Variants in PDZRN3 observed in about 807,000 individuals in gnomAD.
PDZRN3 encodes the protein E3 ubiquitin-protein ligase PDZRN3.
PDZRN3 carries 38 observed loss-of-function variants against 85.7 expected under a neutral mutation model. The ratio of observed to expected loss-of-function variants is 0.44; its 90% CI spans 0.34 to 0.58. The LOEUF (loss-of-function observed/expected upper bound fraction) is 0.58. Among genes scored for constraint, PDZRN3 ranks in the 20% least tolerant of loss-of-function variants. The pLI is 0.01. For missense variants in PDZRN3, 1,629 were observed against 1,506.4 expected (o/e 1.08, Z -1.35); for synonymous variants, 759 against 638.0 (o/e 1.19, Z -2.86).
intron 3 of PDZRN3, among the ~76,000 whole-genome samples, chr3:73,545,630 GA>G: frequency 6.6e-6 from 1 of 152,064 alleles, no homozygotes; most frequent in African/African-American, 2.4e-5. Context: ...TGACCTACAA[GA>G]AAAAAGAAGT....
intron 3 of PDZRN3, among the ~76,000 whole-genome samples, chr3:73,418,217 A>C (rs1170436313): frequency 1.3e-5 from 2 of 152,232 alleles, no homozygotes; most frequent in East Asian, 3.8e-4. Flanking sequence ...AAAAATAAGA[A>C]TGGTGGGTTA....
At chr3:73,594,098 G>A (rs535699408) in intron 3 of PDZRN3, 1 of 152,106 alleles carries the variant, frequency 6.6e-6, no homozygotes, top group South Asian at 2.1e-4. Context: ...AGTTTTGATA[G>A]GAAAATAAGG....
At chr3:73,446,298 C>T (rs752115744) in intron 3 of PDZRN3, among the ~76,000 whole-genome samples, 34 of 152,124 alleles carry the variant, frequency 2.2e-4, no homozygotes, top group Non-Finnish European at 4.4e-4. Context: ...GGGCAGTGAG[C>T]GTTTCTTCAA....
chr3:73,492,197 T>C (rs1322583322), intron 3 of PDZRN3, among the ~76,000 whole-genome samples: 1 of 152,190 alleles, frequency 6.6e-6, no homozygotes, highest in East Asian at 1.9e-4. Context: ...CTAAATTGGT[T>C]TCCAAAATAA....
chr3:73,517,456 T>C (rs1282020469), intron 3 of PDZRN3, among the ~76,000 whole-genome samples: 2 of 152,150 alleles, frequency 1.3e-5, no homozygotes, highest in East Asian at 1.9e-4. Flanking sequence ...AATTTACTTA[T>C]AGAAGAACAG....
intron 3 of PDZRN3, among the ~76,000 whole-genome samples, chr3:73,480,890 C>A (rs920615304): frequency 1.3e-5 from 2 of 152,214 alleles, no homozygotes; most frequent in African/African-American, 4.8e-5. Context: ...TCTCTCCCAA[C>A]AAAATAAGAG....
Position 73,624,429 on chromosome 3 carries a change from C to A in PDZRN3, c.397G>T (p.Ala133Ser). Residue 133 changes from alanine to serine, a missense_variant, in exon 1 of 10, where the codon GCC becomes TCC. Physicochemically the swap from Ala to Ser is moderately conservative, Grantham distance 99 (BLOSUM62 1). Transcript: ENST00000263666. ...CGGCCCACTGGCCGCGCGTCGCAGG[C>A]GTCGCGCATGTGCGCCTCCACGTCG... Reference protein sequence around the residue: ...RRDVEAHMRDACDARPVGRCQ... With the variant: ...RRDVEAHMRDSCDARPVGRCQ... The A allele has an allele frequency of 7.6e-7, 1 of 1,320,488 alleles. No individual in the cohort carries two copies. Among genetic ancestry groups the A allele is most frequent in the Non-Finnish European group, 9.6e-7 (1 of 1,041,250 alleles). The allele number at this position is 1,320,488 out of a possible 1,614,324, so 81.8% of individuals were successfully genotyped here.
At position 73,470,625 on chromosome 3, in the gene PDZRN3, G is replaced by A. The variant is rs549300883; in HGVS notation, c.919-66230C>T. 1.3e-4 allele frequency among the ~76,000 whole-genome samples: 20 copies of A among 152,240 alleles called. No homozygotes were observed. The South Asian group carries it at 3.9e-3, about 30-fold the overall frequency. On this transcript the variant is annotated intron_variant, in intron 3 of 9. Coordinates refer to ENST00000263666, the MANE Select transcript of PDZRN3 (RefSeq NM_015009.3). ...GTGGATGCTGTTCTTGAATAAGAGG[G>A]AAATACTCCTATGCTCCTTGACAAG...
Position 73,408,127 on chromosome 3 carries a change from G to C in PDZRN3, c.919-3732C>G, listed in dbSNP as rs1484000816. 5.7e-6 allele frequency: 4 copies of C among 703,146 alleles called. No individual in the cohort carries two copies. In the African/African-American group the frequency reaches 7.0e-5, roughly 12 times the overall value. The allele number at this position is 703,146 out of a possible 1,614,324, so 43.6% of individuals were successfully genotyped here. On this transcript the variant is annotated intron_variant, in intron 3 of 9. Transcript: ENST00000263666. ...ACAGTTCAAATAAGCCCCTCCACAAGCCAGATGACCTCCTCCTTTTTCACA... is the reference window on the plus strand; with the variant it reads ...ACAGTTCAAATAAGCCCCTCCACAACCCAGATGACCTCCTCCTTTTTCACA...
chr3:73,574,789 A>G (rs139666861), intron 3 of PDZRN3, among the ~76,000 whole-genome samples: 1 of 152,316 alleles, frequency 6.6e-6, no homozygotes, highest in East Asian at 1.9e-4. Flanking sequence ...ACTAAATCTA[A>G]AAGATAAGAA....
chr3:73,521,389 C>A (rs1454057804), intron 3 of PDZRN3, among the ~76,000 whole-genome samples: 1 of 152,034 alleles, frequency 6.6e-6, no homozygotes, highest in African/African-American at 2.4e-5. Context: ...GAGGGGTAGG[C>A]GGGCAGATGG....
intron 3 of PDZRN3, chr3:73,407,959 G>T: frequency 1.7e-6 from 1 of 590,988 alleles, no homozygotes. Flanking sequence ...AGGGAGAACT[G>T]GGACTTTGGG....
intron 3 of PDZRN3, among the ~76,000 whole-genome samples, chr3:73,598,670 C>A (rs1011729350): frequency 3.3e-5 from 5 of 152,204 alleles, no homozygotes; most frequent in African/African-American, 1.2e-4. Flanking sequence ...AAGGGGGCCC[C>A]AGATTCCCAG....
At chr3:73,573,829 A>ATACACC (rs200156279) in intron 3 of PDZRN3, among the ~76,000 whole-genome samples, 1 of 62,604 alleles carries the variant, frequency 1.6e-5, no homozygotes, top group African/African-American at 6.9e-5. Flanking sequence ...ATACATATAC[A>ATACACC]TATACATATA....
At chr3:73,592,390 T>C (rs1351341195) in intron 3 of PDZRN3, among the ~76,000 whole-genome samples, 1 of 111,464 alleles carries the variant, frequency 9.0e-6, no homozygotes, top group East Asian at 3.5e-4. Context: ...TGGGAGTGCC[T>C]AGGAAACCAA....
At chr3:73,600,337 A>ACACTCTCTCTCTCT (rs34405662) in intron 3 of PDZRN3, among the ~76,000 whole-genome samples, 80 of 100,066 alleles carry the variant, frequency 8.0e-4, no homozygotes, top group Admixed American at 1.5e-3. Context: ...ACACACACAC[A>ACACTCTCTCTCTCT]CTCTCTCTCT....
chr3:73,537,859 C>G (rs947122153), intron 3 of PDZRN3, among the ~76,000 whole-genome samples: 1 of 151,322 alleles, frequency 6.6e-6, no homozygotes, highest in South Asian at 2.1e-4. Flanking sequence ...CTCCTGATCT[C>G]AAATGATCCG....
chr3:73,583,853 T>A (rs1702235932), intron 3 of PDZRN3, among the ~76,000 whole-genome samples: 2 of 152,148 alleles, frequency 1.3e-5, no homozygotes, highest in South Asian at 4.1e-4. Flanking sequence ...TAGGCAACCC[T>A]AACATCAAGC....
intron 3 of PDZRN3, among the ~76,000 whole-genome samples, chr3:73,489,714 A>T (rs1293150067): frequency 6.6e-6 from 1 of 151,782 alleles, no homozygotes; most frequent in African/African-American, 2.4e-5. Context: ...CTGGAATTAC[A>T]GGTGCCCACC....
Sources: allele counts gnomAD v4.1 joint callset (sites outside exome capture counted in the v4.1 genomes callset), GRCh38; gene constraint gnomAD v4.1.1; transcripts MANE v1.5; gene names NCBI Gene and HGNC (gene_info 2026-07-23, HGNC 2026-07-21).